Variants in ZNF717 observed in about 807,000 individuals in gnomAD.
ZNF717 encodes the protein zinc finger protein 717.
Under a neutral mutation model 13.8 loss-of-function variants are expected in ZNF717, and 9 were observed. The ratio of observed to expected loss-of-function variants is 0.65; its 90% CI spans 0.39 to 1.14. ZNF717 has a LOEUF of 1.14. Among genes scored for constraint, ZNF717 ranks in the 50% most tolerant of loss-of-function variants. The pLI is 0.01. For synonymous variants in ZNF717, 327 were observed against 364.1 expected (o/e 0.90, Z 1.16); for missense variants, 1,040 against 1,080.7 (o/e 0.96, Z 0.53).
chr3:75,744,402 A>G (rs1940885018), intron 2 of ZNF717, among the ~76,000 whole-genome samples: 1 of 152,266 alleles, frequency 6.6e-6, no homozygotes, highest in African/African-American at 2.4e-5. Flanking sequence ...AGCTGAAGAG[A>G]CTAAAAAATC....
chr3:75,696,953 T>TA (rs1188866775), intron 6 of ZNF717, among the ~76,000 whole-genome samples: 8 of 152,168 alleles, frequency 5.3e-5, no homozygotes, highest in Non-Finnish European at 8.8e-5. Context: ...TCAATTATAC[T>TA]AAAAAAATTT....
At position 75,764,262 on chromosome 3, in the gene ZNF717, C is replaced by T. The variant is rs1324003507; in HGVS notation, c.57+19044G>A. On this transcript the variant is annotated intron_variant, in intron 2 of 4. Coordinates refer to ENST00000652011, the MANE Select transcript of ZNF717 (RefSeq NM_001290208.3). ...GTTCCTTGGGTACCCAGATGGGAGC[C>T]GTGAAACACAAATCCTCCATGGTCA... 2.6e-5 allele frequency among the ~76,000 whole-genome samples: 4 copies of T among 152,134 alleles called. No individual in the cohort carries two copies. In the South Asian group the frequency reaches 6.2e-4, roughly 24 times the overall value.
At chr3:75,760,148 C>A (rs907050525) in intron 2 of ZNF717, among the ~76,000 whole-genome samples, 1 of 152,218 alleles carries the variant, frequency 6.6e-6, no homozygotes, top group Non-Finnish European at 1.5e-5. Context: ...CCTGCCTCAG[C>A]CTCCACGGTA....
Position 75,722,400 on chromosome 3 carries a change from A to T in ZNF717, n.545-5859T>A, listed in dbSNP as rs1363370164. On this transcript the variant is annotated intron_variant and non_coding_transcript_variant, in intron 4 of 5. Coordinates refer to the ZNF717 transcript ENST00000491507. Reference sequence around the variant, plus strand: ...TGCAAAATGTCTGGCTTAACTGAAGACAGCTTTATACTCATATCTGCTTCT... The same window carrying T: ...TGCAAAATGTCTGGCTTAACTGAAGTCAGCTTTATACTCATATCTGCTTCT... Among the ~76,000 whole-genome samples, 257 of 152,364 alleles carry T rather than the reference A, an allele frequency of 1.7e-3. 1 individual carries two copies. The highest frequency in any genetic ancestry group is 5.9e-3 in the African/African-American group (247 of 41,578).
At chr3:75,697,792 G>C in intron 6 of ZNF717, among the ~76,000 whole-genome samples, 1 of 145,482 alleles carries the variant, frequency 6.9e-6, no homozygotes, top group Non-Finnish European at 1.5e-5. Flanking sequence ...TGGGTAAATA[G>C]GCAGAGGTTG....
intron 6 of ZNF717, among the ~76,000 whole-genome samples, chr3:75,700,870 T>C (rs8179987): frequency 0.14 from 20,013 of 147,260 alleles, 7 homozygotes; most frequent in Non-Finnish European, 0.14. Context: ...CTTTAGGGCA[T>C]TGGTTTGGGC....
chr3:75,777,279 A>G (rs1203041328), intron 2 of ZNF717, among the ~76,000 whole-genome samples: 1 of 152,164 alleles, frequency 6.6e-6, no homozygotes, highest in Non-Finnish European at 1.5e-5. Context: ...AAAACCCAAA[A>G]CAATGGGAGT....
At chr3:75,704,621 G>A (rs1173400097) in intron 6 of ZNF717, among the ~76,000 whole-genome samples, 1 of 152,302 alleles carries the variant, frequency 6.6e-6, no homozygotes, top group Non-Finnish European at 1.5e-5. Context: ...AGAAGAATGG[G>A]TTTGGCTAAA....
intron 2 of ZNF717, among the ~76,000 whole-genome samples, chr3:75,782,854 T>C (rs1944913860): frequency 6.6e-6 from 1 of 152,048 alleles, no homozygotes; most frequent in Non-Finnish European, 1.5e-5. Context: ...ATGACGACCG[T>C]TTCCACTGCA....
chr3:75,741,460 G>A (rs1940423384), intron 3 of ZNF717, 92 bp from the exon 4 acceptor site: 4 of 1,375,202 alleles, frequency 2.9e-6, no homozygotes, highest in Non-Finnish European at 4.0e-6. Flanking sequence ...ACTGTGCAAT[G>A]AAGGAGCCAA....
chr3:75,708,963 G>C (rs562983981), downstream of ZNF717, among the ~76,000 whole-genome samples: 1 of 151,850 alleles, frequency 6.6e-6, no homozygotes, highest in Non-Finnish European at 1.5e-5. Context: ...GCAACAGAGG[G>C]AGGGGAGAAG....
At chr3:75,760,196 C>T (rs1469379907) in intron 2 of ZNF717, among the ~76,000 whole-genome samples, 2 of 149,146 alleles carry the variant, frequency 1.3e-5, no homozygotes, top group African/African-American at 5.1e-5. Context: ...ACCTAGCTAA[C>T]TTTTATATAT....
intron 2 of ZNF717, among the ~76,000 whole-genome samples, chr3:75,744,183 A>T (rs1429667882): frequency 6.6e-6 from 1 of 152,266 alleles, no homozygotes; most frequent in African/African-American, 2.4e-5. Context: ...AAGTCTACTA[A>T]TATAATTCAT....
intron 2 of ZNF717, among the ~76,000 whole-genome samples, chr3:75,761,349 T>A (rs1306151136): frequency 6.6e-6 from 1 of 152,214 alleles, no homozygotes; most frequent in Non-Finnish European, 1.5e-5. Context: ...ATAAAAACAC[T>A]CAAAGAATTA....
chr3:75,751,607 C>T (rs796386456), intron 2 of ZNF717, among the ~76,000 whole-genome samples: 4 of 149,762 alleles, frequency 2.7e-5, no homozygotes, highest in African/African-American at 7.4e-5. Flanking sequence ...AATGTTTATC[C>T]CTCACATAGG....
At chr3:75,716,908 C>A (rs1464053535) in intron 4 of ZNF717, among the ~76,000 whole-genome samples, 1 of 152,148 alleles carries the variant, frequency 6.6e-6, no homozygotes. Context: ...TCACACAAGT[C>A]CAGGGTAATT....
At chr3:75,776,028 A>T (rs1366667127) in intron 2 of ZNF717, among the ~76,000 whole-genome samples, 1 of 152,274 alleles carries the variant, frequency 6.6e-6, no homozygotes. Context: ...TCCATGGTCT[A>T]AGTCAAATTA....
At chr3:75,779,264 A>G (rs1022329597) in intron 2 of ZNF717, among the ~76,000 whole-genome samples, 19 of 152,088 alleles carry the variant, frequency 1.2e-4, no homozygotes, top group Non-Finnish European at 2.5e-4. Context: ...GTGATGTGCT[A>G]AAACCGGAAC....
chr3:75,739,544 T>C (rs10446367), intron 4 of ZNF717, among the ~76,000 whole-genome samples, 199 bp from the exon 5 acceptor site: 63,659 of 141,980 alleles, frequency 0.45, 13,657 homozygotes, highest in Non-Finnish European at 0.49. Context: ...TAATGTTCAA[T>C]TGAGTTTTTC....
Sources: gnomAD v4.1 joint callset for allele counts (sites outside exome capture counted in the v4.1 genomes callset) on GRCh38, gnomAD v4.1.1 for gene constraint, MANE v1.5 for transcripts, NCBI Gene and HGNC (gene_info 2026-07-23, HGNC 2026-07-21) for gene names.